The following MALRD1 variants were observed in gnomAD, a reference collection of about 807,000 sequenced individuals.
MALRD1 encodes the protein MAM and LDL receptor class A domain containing 1.
Under a neutral mutation model 242.1 loss-of-function variants are expected in MALRD1, and 247 were observed. That is an observed-to-expected ratio of 1.02 (90% CI 0.92 to 1.13). The LOEUF is 1.13. Among genes scored for constraint, MALRD1 ranks in the 50% most tolerant of loss-of-function variants. MALRD1 has a pLI of 0.00. For synonymous variants in MALRD1, 995 were observed against 866.6 expected (o/e 1.15, Z -2.60); for missense variants, 2,989 against 2,533.1 (o/e 1.18, Z -3.86).
chr10:19,591,355 A>T (rs919975001), intron 33 of MALRD1, among the ~76,000 whole-genome samples: 1 of 152,256 alleles, frequency 6.6e-6, no homozygotes, highest in Admixed American at 6.5e-5. Context: ...TTTATGGTTG[A>T]TTCCAACACA....
At chr10:19,506,213 C>T (rs1050794745) in intron 31 of MALRD1, among the ~76,000 whole-genome samples, 2 of 152,138 alleles carry the variant, frequency 1.3e-5, no homozygotes, top group Non-Finnish European at 1.5e-5. Context: ...TTATTGTGTG[C>T]TAAGCAACAG....
At chr10:19,607,645 T>C in intron 34 of MALRD1, 132 bp from the exon 35 acceptor site, 1 of 1,223,282 alleles carries the variant, frequency 8.2e-7, no homozygotes, top group Non-Finnish European at 1.1e-6. Flanking sequence ...AAGAACTGTG[T>C]TCTAAAATAT....
chr10:19,247,390 A>T (rs147648056), intron 18 of MALRD1, among the ~76,000 whole-genome samples: 148 of 152,174 alleles, frequency 9.7e-4, no homozygotes, highest in African/African-American at 3.3e-3. Flanking sequence ...CTTGGGTTGC[A>T]AGGGCTTCTG....
intron 32 of MALRD1, among the ~76,000 whole-genome samples, chr10:19,535,164 G>T (rs537307821): frequency 1.3e-5 from 2 of 152,210 alleles, no homozygotes; most frequent in East Asian, 3.9e-4. Flanking sequence ...GATTACAGGC[G>T]TGAGCCACTG....
chr10:19,488,760 G>C (rs545706724), intron 29 of MALRD1: 290 of 231,060 alleles, frequency 1.3e-3, no homozygotes, highest in Non-Finnish European at 2.3e-3. Flanking sequence ...AGGGGGTTTG[G>C]ATTTATGTAC....
At chr10:19,517,457 C>T (rs1346531769) in intron 31 of MALRD1, among the ~76,000 whole-genome samples, 2 of 152,174 alleles carry the variant, frequency 1.3e-5, no homozygotes, top group Non-Finnish European at 2.9e-5. Flanking sequence ...CCCATAGATA[C>T]AAAGACATGC....
chr10:19,702,072 C>T (rs1386862391), intron 38 of MALRD1, among the ~76,000 whole-genome samples: 1 of 152,052 alleles, frequency 6.6e-6, no homozygotes. Flanking sequence ...AGGAGCTCAA[C>T]TTAAATATTC....
intron 36 of MALRD1, among the ~76,000 whole-genome samples, chr10:19,637,169 A>G (rs1840173859): frequency 6.6e-6 from 1 of 152,166 alleles, no homozygotes; most frequent in Non-Finnish European, 1.5e-5. Context: ...AGAAAATTGA[A>G]GAGAATACAT....
At chr10:19,411,459 T>C (rs1441759356) in intron 28 of MALRD1, among the ~76,000 whole-genome samples, 3 of 152,224 alleles carry the variant, frequency 2.0e-5, no homozygotes, top group African/African-American at 7.2e-5. Flanking sequence ...TATTCATCTC[T>C]TCCTATGAAC....
chr10:19,270,836 ACACACACG>A (rs1840198044), intron 19 of MALRD1, among the ~76,000 whole-genome samples: 4 of 151,438 alleles, frequency 2.6e-5, no homozygotes, highest in Admixed American at 2.6e-4. Context: ...ACACACACAC[ACACACACG>A]CACACACAAA....
chr10:19,488,958 A>C, intron 29 of MALRD1: 3 of 421,346 alleles, frequency 7.1e-6, no homozygotes, highest in South Asian at 4.8e-5. Context: ...GAAAAAATTT[A>C]GCGGGGGCGG....
chr10:19,269,330 C>T (rs1444881193), intron 19 of MALRD1, among the ~76,000 whole-genome samples: 2 of 152,256 alleles, frequency 1.3e-5, no homozygotes, highest in Non-Finnish European at 2.9e-5. Flanking sequence ...GAGGATGAGA[C>T]AGGAGCTCTC....
chr10:19,150,338 G>A (rs1833898615), intron 11 of MALRD1, among the ~76,000 whole-genome samples: 1 of 152,072 alleles, frequency 6.6e-6, no homozygotes, highest in Non-Finnish European at 1.5e-5. Context: ...TTTACCCCCA[G>A]ACTCAGGTAG....
At chr10:19,193,416 C>T (rs1836080060) in intron 14 of MALRD1, among the ~76,000 whole-genome samples, 2 of 151,996 alleles carry the variant, frequency 1.3e-5, no homozygotes, top group Admixed American at 1.3e-4. Flanking sequence ...ATTAGCTGGG[C>T]ATGGTGGCAC....
chr10:19,341,026 G>A (rs1275839520), intron 24 of MALRD1, among the ~76,000 whole-genome samples: 2 of 151,982 alleles, frequency 1.3e-5, no homozygotes, highest in Admixed American at 1.3e-4. Flanking sequence ...AGCTAGTATT[G>A]CACTCTTTAG....
intron 18 of MALRD1, among the ~76,000 whole-genome samples, chr10:19,252,413 G>T (rs142711842): frequency 3.9e-5 from 6 of 152,152 alleles, no homozygotes; most frequent in Non-Finnish European, 8.8e-5. Flanking sequence ...TTGGCGCAAT[G>T]CCTAAGTAGA....
At chr10:19,463,711 T>C (rs1008244037) in intron 29 of MALRD1, among the ~76,000 whole-genome samples, 2 of 152,146 alleles carry the variant, frequency 1.3e-5, no homozygotes, top group African/African-American at 4.8e-5. Context: ...TAATTACTTC[T>C]TTTCCTCTGG....
rs191355679 is a variant in MALRD1, at chr10:19,137,969, G to T, written c.1411+1188G>T. ...GTGTCTTATTTTAGTGAGATATTTT[G>T]TTGAGCAGAGGTGAAAATATTATAA... On this transcript the variant is annotated intron_variant, in intron 10 of 39. Transcript: ENST00000454679. 1.5e-3 allele frequency among the ~76,000 whole-genome samples: 225 copies of T among 152,280 alleles called. 2 individuals carry two copies. Among genetic ancestry groups the T allele is most frequent in the African/African-American group, 5.2e-3 (218 of 41,564 alleles).
chr10:19,680,932 G>C (rs1217123927), intron 36 of MALRD1, among the ~76,000 whole-genome samples: 1 of 152,116 alleles, frequency 6.6e-6, no homozygotes, highest in Non-Finnish European at 1.5e-5. Context: ...GAAATTCTGG[G>C]TTGGAAATTA....
Sources: gnomAD v4.1 joint callset for allele counts (sites outside exome capture counted in the v4.1 genomes callset) on GRCh38, gnomAD v4.1.1 for gene constraint, MANE v1.5 for transcripts, NCBI Gene and HGNC (gene_info 2026-07-23, HGNC 2026-07-21) for gene names.